Variants in CNTNAP2 observed in about 807,000 individuals in gnomAD.
CNTNAP2 encodes the protein contactin associated protein 2.
Under a neutral mutation model 155.2 loss-of-function variants are expected in CNTNAP2, and 98 were observed. The observed-to-expected ratio is 0.63, with a 90% CI of 0.54 to 0.75. The LOEUF is 0.75. CNTNAP2 is among the 30% of genes least tolerant of loss of function. The pLI is 0.00. For missense variants in CNTNAP2, 1,727 were observed against 1,688.1 expected, an observed-to-expected ratio of 1.02 and a Z score of -0.40; for synonymous variants, 651 against 631.2, an observed-to-expected ratio of 1.03 and a Z score of -0.47.
At chr7:147,330,120 A>C (rs1000120196) in intron 9 of CNTNAP2, among the ~76,000 whole-genome samples, 9 of 152,100 alleles carry the variant, frequency 5.9e-5, no homozygotes, top group Admixed American at 3.3e-4. Flanking sequence ...AGACCAAATG[A>C]TGAGAGGGTT....
chr7:146,143,529 A>C (rs1347626907), intron 1 of CNTNAP2, among the ~76,000 whole-genome samples: 1 of 152,086 alleles, frequency 6.6e-6, no homozygotes, highest in Non-Finnish European at 1.5e-5. Flanking sequence ...TAAATGACAT[A>C]ACCTCCAGAA....
chr7:148,215,456 G>A (rs1436079136), intron 18 of CNTNAP2, among the ~76,000 whole-genome samples: 1 of 150,744 alleles, frequency 6.6e-6, no homozygotes, highest in Non-Finnish European at 1.5e-5. Context: ...CTCTGTGATA[G>A]TTCTTTTGAT....
At chr7:148,096,287 G>A (rs1381322863) in intron 15 of CNTNAP2, among the ~76,000 whole-genome samples, 3 of 146,486 alleles carry the variant, frequency 2.0e-5, no homozygotes, top group Non-Finnish European at 3.0e-5. Context: ...GCATGTGTGT[G>A]TGTGTGTGTG....
At chr7:146,736,852 GTTTTCTGCC>G (rs1295504637) in intron 1 of CNTNAP2, among the ~76,000 whole-genome samples, 1 of 152,052 alleles carries the variant, frequency 6.6e-6, no homozygotes, top group Non-Finnish European at 1.5e-5. Flanking sequence ...ACATTGTTGA[GTTTTCTGCC>G]TTTTCAATAA....
At chr7:147,614,009 CAT>C (rs1801237380) in intron 12 of CNTNAP2, among the ~76,000 whole-genome samples, 1 of 152,128 alleles carries the variant, frequency 6.6e-6, no homozygotes, top group Non-Finnish European at 1.5e-5. Context: ...TTAAATTTCT[CAT>C]AAATATCTGA....
chr7:147,958,489 A>C (rs1291024257), intron 14 of CNTNAP2, among the ~76,000 whole-genome samples: 3 of 152,194 alleles, frequency 2.0e-5, no homozygotes, highest in Non-Finnish European at 4.4e-5. Flanking sequence ...TCAGATGCTC[A>C]TGATGCATTA....
At chr7:146,323,360 G>A (rs909004597) in intron 1 of CNTNAP2, among the ~76,000 whole-genome samples, 1 of 151,928 alleles carries the variant, frequency 6.6e-6, no homozygotes, top group Non-Finnish European at 1.5e-5. Flanking sequence ...CTCTCTCTCG[G>A]TGTTATGCAA....
At position 148,383,827 on chromosome 7, in the gene CNTNAP2, G is replaced by A. The variant is rs141764220; in HGVS notation, c.3654G>A (p.Pro1218=). Residue 1218 remains proline (P), a synonymous_variant, in exon 22 of 24, where the codon CCG becomes CCA. Transcript: ENST00000361727. The part of the protein sequence containing the change: ...ELVESNCGAS[P]LTLSPMSSAT... ...TGGAGTCCAACTGCGGGGCCTCGCC[G>A]CTGACCCTCTCCCCCATGTCGTCCG... The A allele has an allele frequency of 5.9e-5, 95 of 1,614,044 alleles. 1 individual carries two copies. The South Asian group carries it at 7.6e-4, about 13-fold the overall frequency.
intron 14 of CNTNAP2, among the ~76,000 whole-genome samples, chr7:147,925,150 AGAGAGAAG>A (rs869178615): frequency 0.031 from 2,377 of 75,964 alleles, 28 homozygotes; most frequent in East Asian, 0.077. Context: ...AGAGAGAGAG[AGAGAGAAG>A]GAAGGAAGGA....
At chr7:147,648,340 T>C (rs905504035) in intron 13 of CNTNAP2, among the ~76,000 whole-genome samples, 1 of 152,200 alleles carries the variant, frequency 6.6e-6, no homozygotes. Context: ...TTAAATGTCT[T>C]GAACAATACC....
chr7:147,130,093 CTTTTA>C (rs1022633617), intron 7 of CNTNAP2, among the ~76,000 whole-genome samples: 1 of 151,992 alleles, frequency 6.6e-6, no homozygotes. Context: ...AGAAAAATAA[CTTTTA>C]TTTTATGAGT....
At chr7:147,497,925 A>G (rs1458615249) in intron 11 of CNTNAP2, among the ~76,000 whole-genome samples, 2 of 152,224 alleles carry the variant, frequency 1.3e-5, no homozygotes, top group Admixed American at 1.3e-4. Flanking sequence ...TGACTTAATT[A>G]AGCTCTGTGT....
At chr7:147,383,945 G>C (rs1266046585) in intron 9 of CNTNAP2, among the ~76,000 whole-genome samples, 1 of 152,056 alleles carries the variant, frequency 6.6e-6, no homozygotes, top group South Asian at 2.1e-4. Context: ...GACAAATTCT[G>C]TAAGAAGAAA....
intron 1 of CNTNAP2, among the ~76,000 whole-genome samples, chr7:146,292,546 C>T (rs1800448351): frequency 1.3e-5 from 2 of 152,098 alleles, no homozygotes; most frequent in African/African-American, 4.8e-5. Flanking sequence ...TAAATTAGTA[C>T]AAGCGTAATA....
intron 9 of CNTNAP2, among the ~76,000 whole-genome samples, chr7:147,301,623 T>C (rs1415237429): frequency 6.8e-6 from 1 of 146,238 alleles, no homozygotes; most frequent in Non-Finnish European, 1.6e-5. Context: ...TGTGTGTGTG[T>C]GTGTGTGTGT....
At chr7:147,974,334 G>T (rs890660958) in intron 14 of CNTNAP2, among the ~76,000 whole-genome samples, 5 of 152,164 alleles carry the variant, frequency 3.3e-5, no homozygotes, top group Non-Finnish European at 7.3e-5. Flanking sequence ...TACTGGCTGG[G>T]TGTAGTGGCT....
rs73455874 is a variant in CNTNAP2 at position 146,241,056 on chromosome 7, A to G, written c.97+124083A>G. On this transcript the variant is annotated intron_variant, in intron 1 of 23. Coordinates refer to ENST00000361727, the MANE Select transcript of CNTNAP2 (RefSeq NM_014141.6). ...CACTTTTAAACAACCAGATCTCATGAGAGTTCACTCAGTATTGCCAAGATA... is the reference window on the plus strand; with the variant it reads ...CACTTTTAAACAACCAGATCTCATGGGAGTTCACTCAGTATTGCCAAGATA... 9.2e-3 allele frequency among the ~76,000 whole-genome samples: 1,393 copies of G among 152,238 alleles called. 24 individuals are homozygous for G. Among genetic ancestry groups the G allele is most frequent in the African/African-American group, 0.031 (1,306 of 41,540 alleles).
intron 9 of CNTNAP2, among the ~76,000 whole-genome samples, chr7:147,309,858 T>A (rs1412700149): frequency 2.6e-5 from 4 of 152,154 alleles, no homozygotes; most frequent in African/African-American, 9.7e-5. Flanking sequence ...TAGTACCATA[T>A]AAGTAGTAGC....
At chr7:146,575,285 T>G (rs1392953314) in intron 1 of CNTNAP2, among the ~76,000 whole-genome samples, 1 of 152,006 alleles carries the variant, frequency 6.6e-6, no homozygotes, top group Non-Finnish European at 1.5e-5. Flanking sequence ...CCCGGCTAAT[T>G]TTTGTATTCT....
Sources: gnomAD v4.1 joint callset for allele counts (sites outside exome capture counted in the v4.1 genomes callset) on GRCh38, gnomAD v4.1.1 for gene constraint, MANE v1.5 for transcripts, NCBI Gene and HGNC (gene_info 2026-07-23, HGNC 2026-07-21) for gene names.